ENOX1: variants seen among roughly 807,000 people sequenced by gnomAD.
ENOX1 encodes candidate growth-related and time keeping constitutive hydroquinone (NADH) oxidase.
In ENOX1, 42 loss-of-function variants were observed where a neutral mutation model predicts 82.5. That is an observed-to-expected ratio of 0.51 (90% confidence interval 0.40 to 0.66). The LOEUF (loss-of-function observed/expected upper bound fraction) is 0.66, where lower values mean the gene tolerates loss of function less well. ENOX1 is among the 30% of genes least tolerant of loss of function. The pLI is 0.00. For synonymous variants in ENOX1, 271 were observed against 282.2 expected, an observed-to-expected ratio of 0.96 and a Z score of 0.40; for missense variants, 608 against 811.6, an observed-to-expected ratio of 0.75 and a Z score of 3.05.
At chr13:43,522,587 G>A (rs977265210) in intron 2 of ENOX1, among the ~76,000 whole-genome samples, 6 of 152,128 alleles carry the variant, frequency 3.9e-5, no homozygotes, top group African/African-American at 1.4e-4. Flanking sequence ...CCACATCAGT[G>A]ATTTCCAAAC....
At chr13:43,232,887 G>A (rs2042351952) in intron 15 of ENOX1, among the ~76,000 whole-genome samples, 1 of 152,150 alleles carries the variant, frequency 6.6e-6, no homozygotes, top group African/African-American at 2.4e-5. Flanking sequence ...AGAGAATATA[G>A]AGTGATACGG....
chr13:43,772,749 T>TAAAAAAA (rs35359203), intron 1 of ENOX1, among the ~76,000 whole-genome samples: 14 of 112,096 alleles, frequency 1.2e-4, no homozygotes, highest in African/African-American at 4.2e-4. Flanking sequence ...ACTCTGTCTT[T>TAAAAAAA]AAAAAAAAAA....
chr13:43,261,429 A>G (rs1287775811), intron 14 of ENOX1, among the ~76,000 whole-genome samples: 1 of 152,222 alleles, frequency 6.6e-6, no homozygotes, highest in Non-Finnish European at 1.5e-5. Context: ...TCCCCCAGAA[A>G]CAAATATGAG....
intron 16 of ENOX1, 70 bp downstream of exon 16, chr13:43,223,983 G>T: frequency 1.7e-6 from 2 of 1,159,194 alleles, no homozygotes; most frequent in Non-Finnish European, 2.6e-6. Context: ...TTCATGCAGA[G>T]TCCACCTGCA....
chr13:43,364,278 T>C (rs1406061300), intron 5 of ENOX1, among the ~76,000 whole-genome samples: 2 of 152,198 alleles, frequency 1.3e-5, no homozygotes, highest in Non-Finnish European at 2.9e-5. Context: ...TAGGAAAAGC[T>C]GCCCCTGTGA....
intron 11 of ENOX1, among the ~76,000 whole-genome samples, chr13:43,318,137 TA>T (rs752103440): frequency 1.3e-5 from 2 of 152,220 alleles, no homozygotes; most frequent in Non-Finnish European, 2.9e-5. Flanking sequence ...GAAATGCAGT[TA>T]AAATCCAAAA....
intron 2 of ENOX1, among the ~76,000 whole-genome samples, chr13:43,653,732 G>T (rs2084301346): frequency 6.6e-6 from 1 of 151,062 alleles, no homozygotes; most frequent in South Asian, 2.1e-4. Context: ...CAATAACCTT[G>T]TTCAATGAAA....
intron 5 of ENOX1, among the ~76,000 whole-genome samples, chr13:43,404,341 T>C (rs149052829): frequency 6.6e-6 from 1 of 152,168 alleles, no homozygotes; most frequent in Admixed American, 6.5e-5. Context: ...CTGGCCCACA[T>C]ACACCCACTT....
At chr13:43,683,714 G>T (rs558886483) in intron 1 of ENOX1, among the ~76,000 whole-genome samples, 1 of 152,044 alleles carries the variant, frequency 6.6e-6, no homozygotes. Context: ...ACATTCCAGG[G>T]CTACAGGACA....
Position 43,720,322 on chromosome 13 carries a change from C to G in ENOX1, c.-284-52778G>C, listed in dbSNP as rs1383979490. ...AACCTACCAGTTTCTGTACTTCCAT[C>G]TCTCAGTGACTTCGCACAAGTTTTC... On this transcript the variant is annotated intron_variant, in intron 1 of 16. Transcript: ENST00000690772. Among the ~76,000 whole-genome samples the G allele has an allele frequency of 3.3e-5, 5 of 152,340 alleles. No homozygotes were observed. In the South Asian group the frequency reaches 8.3e-4, roughly 25 times the overall value.
At chr13:43,405,961 G>C (rs1483150787) in intron 5 of ENOX1, among the ~76,000 whole-genome samples, 4 of 151,632 alleles carry the variant, frequency 2.6e-5, no homozygotes, top group Non-Finnish European at 5.9e-5. Flanking sequence ...ACTCTTTTCT[G>C]TTTCTCCCGC....
chr13:43,497,981 C>T (rs2076850804), intron 2 of ENOX1, among the ~76,000 whole-genome samples: 1 of 151,976 alleles, frequency 6.6e-6, no homozygotes, highest in African/African-American at 2.4e-5. Flanking sequence ...AAAAACTTGT[C>T]CATTTCATCT....
rs1254824299 is a variant in ENOX1, at chr13:43,460,810, AAAAAAAAAAAAAAAAAAAAAT to A, written c.-75+23178_-75+23198del. Among the ~76,000 whole-genome samples, 204 of 99,304 alleles carry A rather than the reference AAAAAAAAAAAAAAAAAAAAAT, an allele frequency of 2.1e-3. 11 individuals are homozygous for A. Among genetic ancestry groups the A allele is most frequent in the African/African-American group, 6.4e-3 (184 of 28,940 alleles). The allele number at this position is 99,304 out of a possible 152,430, so 65.1% of individuals were successfully genotyped here. A position where few individuals can be genotyped will look rare whatever the true frequency, so the allele number is the denominator to read the frequency against. ...CTCCATCTCAAAAAAAAAAAAAAAA[AAAAAAAAAAAAAAAAAAAAAT>A]AGGGATAGCTCTCTACAAACCAAGG... is the stretch of plus-strand genomic sequence containing the variant. On this transcript the variant is annotated intron_variant, in intron 3 of 16. Transcript: ENST00000690772.
At chr13:43,698,805 G>A (rs539485899) in intron 1 of ENOX1, among the ~76,000 whole-genome samples, 13 of 152,166 alleles carry the variant, frequency 8.5e-5, no homozygotes, top group African/African-American at 2.9e-4. Context: ...GTCTCCCAAC[G>A]ATCTTACTCT....
chr13:43,356,186 T>G (rs369352426), intron 7 of ENOX1, 34 bp from the exon 8 acceptor site: 57 of 1,600,152 alleles, frequency 3.6e-5, no homozygotes, highest in Non-Finnish European at 4.7e-5. Context: ...CACACCATAA[T>G]GTAACAATGG....
chr13:43,760,713 G>A (rs1006854691), intron 1 of ENOX1, among the ~76,000 whole-genome samples: 20 of 152,064 alleles, frequency 1.3e-4, no homozygotes, highest in Admixed American at 5.9e-4. Flanking sequence ...CCAAACAACT[G>A]TCATCATATA....
intron 1 of ENOX1, among the ~76,000 whole-genome samples, chr13:43,750,452 C>T (rs1950250542): frequency 6.6e-6 from 1 of 152,132 alleles, no homozygotes; most frequent in Non-Finnish European, 1.5e-5. Context: ...TTCAAAACAC[C>T]CTAGGGTAGA....
At chr13:43,415,519 C>A (rs554679404) in intron 3 of ENOX1, among the ~76,000 whole-genome samples, 79 of 152,170 alleles carry the variant, frequency 5.2e-4, no homozygotes, top group African/African-American at 1.7e-3. Flanking sequence ...ATCCATTTAA[C>A]CCTGAGTTGA....
At chr13:43,529,255 C>T (rs9567210) in intron 2 of ENOX1, among the ~76,000 whole-genome samples, 2,209 of 152,072 alleles carry the variant, frequency 0.015, 51 homozygotes, top group East Asian at 0.099. Flanking sequence ...GCTGTAGGCA[C>T]TCATTCCCAG....
Sources: allele counts gnomAD v4.1 joint callset (sites outside exome capture counted in the v4.1 genomes callset), GRCh38; gene constraint gnomAD v4.1.1; transcripts MANE v1.5; gene names NCBI Gene and HGNC (gene_info 2026-07-23, HGNC 2026-07-21).